CYSLTR1: variants seen among roughly 807,000 people sequenced by gnomAD.
CYSLTR1 encodes the protein G-protein coupled receptor HG55.
A neutral mutation model predicts 2.1 loss-of-function variants in CYSLTR1; 1 was observed. The observed-to-expected ratio is 0.48, with a 90% confidence interval of 0.17 to 2.28. CYSLTR1 has a LOEUF of 2.28. Ranked by LOEUF, CYSLTR1 falls within the 30% of genes most tolerant of loss-of-function variation. The probability of loss-of-function intolerance (pLI) is 0.26; values close to 1 mark genes in which losing one functional copy is unlikely to be tolerated. For missense variants in CYSLTR1, 299 were observed against 250.1 expected (o/e 1.20, Z -1.32); for synonymous variants, 110 against 89.6 (o/e 1.23, Z -1.28).
chrX:78,311,271 C>A (rs761175172), intron 1 of CYSLTR1, among the ~76,000 whole-genome samples: 1 of 111,335 alleles, frequency 9.0e-6, no homozygotes, highest in Non-Finnish European at 1.9e-5. Flanking sequence ...CAAGAAGGGA[C>A]TGATGGCCCA....
chrX:78,319,532 G>C (rs1179409722), intron 1 of CYSLTR1: 2 of 110,050 alleles, frequency 1.8e-5, no homozygotes, highest in African/African-American at 6.6e-5. Context: ...CATTTGGGTT[G>C]GTTCCAAGTC....
Position 78,272,973 on chromosome X carries a change from ATGAAGG to A in CYSLTR1, c.768_773del (p.Leu257_His258del). 8.3e-7 allele frequency: 1 copy of A among 1,211,569 alleles called. No homozygotes were observed. Among genetic ancestry groups the A allele is most frequent in the Non-Finnish European group, 1.1e-6 (1 of 895,373 alleles). ...AGGGTTTAGTTTCATTGTGTAAAAA[ATGAAGG>A]TGAATGGTACGTTGAATATGATATG... On this transcript the variant is annotated inframe_deletion, in exon 3 of 3. Coordinates refer to ENST00000373304, the MANE Select transcript of CYSLTR1 (RefSeq NM_006639.4).
intron 2 of CYSLTR1, among the ~76,000 whole-genome samples, chrX:78,276,640 CATTATT>C (rs757354817): frequency 9.1e-6 from 1 of 110,193 alleles, no homozygotes; most frequent in African/African-American, 3.3e-5. Context: ...TTAAAAAAGT[CATTATT>C]ATTATTATTA....
intron 1 of CYSLTR1, among the ~76,000 whole-genome samples, chrX:78,316,770 A>G (rs761387377): frequency 8.9e-6 from 1 of 112,372 alleles, no homozygotes; most frequent in Non-Finnish European, 1.9e-5. Context: ...TGCTGAAATA[A>G]TTGGCAAGCC....
intron 1 of CYSLTR1, among the ~76,000 whole-genome samples, chrX:78,305,142 G>T (rs73498809): frequency 0.011 from 1,214 of 111,871 alleles, 24 homozygotes; most frequent in African/African-American, 0.037. Context: ...TCCCAGGAAA[G>T]TATATCTCTT....
At position 78,273,046 on chromosome X, in the gene CYSLTR1, A is replaced by G. The variant is rs1921357443; in HGVS notation, c.701T>C (p.Met234Thr). The G allele has an allele frequency of 8.3e-7, 1 of 1,211,740 alleles. No homozygotes were observed. The highest frequency in any genetic ancestry group is 1.7e-5 in the African/African-American group (1 of 57,929). The change falls in exon 3 of 3, where the codon ATG becomes ACG. Residue 234 changes from methionine to threonine, a missense_variant. Physicochemically the swap from Met to Thr is moderately conservative, Grantham distance 81. Transcript: ENST00000373304. ...NLSSHKKAIGMIMVVTAAFLV... is the reference protein window; with the variant it reads ...NLSSHKKAIGTIMVVTAAFLV... ...AAAGGCAGCGGTCACGACCATGATC[A>G]TTCCTATAGCCTTTTTATGACTTGA...
intron 1 of CYSLTR1, among the ~76,000 whole-genome samples, chrX:78,318,269 G>A (rs985929166): frequency 8.9e-6 from 1 of 112,040 alleles, no homozygotes; most frequent in East Asian, 2.8e-4. Flanking sequence ...ATTATTCTTA[G>A]CAAACTAATG....
At chrX:78,300,080 C>T (rs1569552363) in intron 1 of CYSLTR1, among the ~76,000 whole-genome samples, 1 of 112,079 alleles carries the variant, frequency 8.9e-6, no homozygotes, top group Non-Finnish European at 1.9e-5. Flanking sequence ...TATTAAAAGA[C>T]TCTGATGCAT....
At position 78,294,385 on chromosome X, in the gene CYSLTR1, T is replaced by C. The variant is rs773933708; in HGVS notation, c.-114-10845A>G. On this transcript the variant is annotated intron_variant, in intron 1 of 2. Transcript: ENST00000373304. ...GAGGGGCACTCACCTGTATGAGGTG[T>C]CTGTCGGCCCCTACTGGGAGGTGAC... Among the ~76,000 whole-genome samples, 3 of 112,564 alleles carry C rather than the reference T, an allele frequency of 2.7e-5. No homozygotes were observed. In the Admixed American group the frequency reaches 2.8e-4, roughly 11 times the overall value.
chrX:78,311,111 G>T (rs2147270924), intron 1 of CYSLTR1, among the ~76,000 whole-genome samples: 1 of 111,015 alleles, frequency 9.0e-6, no homozygotes, highest in South Asian at 3.8e-4. Context: ...TATAGAGGTT[G>T]CCCATCCCTG....
rs1172647942 is a variant in CYSLTR1 at position 78,272,655 on chromosome X, AT to A, written c.*77del. 33 of 990,996 alleles carry A rather than the reference AT, an allele frequency of 3.3e-5. No homozygotes were observed. Among genetic ancestry groups the A allele is most frequent in the Admixed American group, 7.4e-5 (2 of 27,087 alleles). 81.7% of individuals were successfully genotyped at this position (990,996 alleles called of 1,213,427 possible). On this transcript the variant is annotated 3_prime_UTR_variant, in exon 3 of 3. Transcript: ENST00000373304. Reference sequence around the variant, plus strand: ...TTGTAAAATATTAAGTAAAATTTTTATTTTTTTTGTAAATGATTTGACAAAA... The same window carrying A: ...TTGTAAAATATTAAGTAAAATTTTTATTTTTTTGTAAATGATTTGACAAAA...
At chrX:78,309,575 C>T (rs939859372) in intron 1 of CYSLTR1, among the ~76,000 whole-genome samples, 3 of 111,311 alleles carry the variant, frequency 2.7e-5, no homozygotes, top group Admixed American at 1.9e-4. Context: ...AGCTATGTTC[C>T]CACACAACTG....
chrX:78,273,717 A>G lies in CYSLTR1; in HGVS notation c.30T>C (p.Ser10=), dbSNP rs771916787. Residue 10 remains serine (S), a synonymous_variant, in exon 3 of 3, where the codon TCT becomes TCC. Coordinates refer to ENST00000373304, the MANE Select transcript of CYSLTR1 (RefSeq NM_006639.4). MDETGNLTV[S]SATCHDTIDD... is the part of the protein sequence containing the mutation. ...CAATAGTGTCATGGCATGTGGCAGA[A>G]GATACTGTCAGATTTCCTGTTTCAT... is the stretch of plus-strand genomic sequence containing the variant. 6.7e-6 allele frequency: 8 copies of G among 1,199,852 alleles called. No homozygotes were observed. The highest frequency in any genetic ancestry group is 9.0e-6 in the Non-Finnish European group (8 of 887,116).
rs773023237 is a variant in CYSLTR1, at chrX:78,292,462, G to A, written c.-114-8922C>T. Among the ~76,000 whole-genome samples, 8 of 112,082 alleles carry A rather than the reference G, an allele frequency of 7.1e-5. No individual in the cohort carries two copies. The South Asian group carries it at 1.1e-3, about 16-fold the overall frequency. On this transcript the variant is annotated intron_variant, in intron 1 of 2. Coordinates refer to ENST00000373304, the MANE Select transcript of CYSLTR1 (RefSeq NM_006639.4). ...TGTATTCTGTGGATTTGGGTGGAGAGTTCTGTAGATGTCTATTAGGTTTGC... is the reference window on the plus strand; with the variant it reads ...TGTATTCTGTGGATTTGGGTGGAGAATTCTGTAGATGTCTATTAGGTTTGC...
Position 78,317,545 on chromosome X carries a change from C to G in CYSLTR1, c.-115+9760G>C, listed in dbSNP as rs926404402. On this transcript the variant is annotated intron_variant, in intron 1 of 2. Transcript: ENST00000373304. The stretch of plus-strand genomic sequence containing the variant: ...ACATGCACATGCATGTTTATAGTAG[C>G]ACTATTCACACTTGCAAAAATATGG... 2.7e-5 allele frequency among the ~76,000 whole-genome samples: 3 copies of G among 112,400 alleles called. No homozygotes were observed. The Admixed American group carries it at 2.8e-4, about 11-fold the overall frequency.
rs1921317931 is a variant in CYSLTR1, at chrX:78,272,642, A to G, written c.*91T>C. ...AATAGTTAAGTATTTGTAAAATATTAAGTAAAATTTTTATTTTTTTTGTAA... is the reference window on the plus strand; with the variant it reads ...AATAGTTAAGTATTTGTAAAATATTGAGTAAAATTTTTATTTTTTTTGTAA... On this transcript the variant is annotated 3_prime_UTR_variant, in exon 3 of 3. Transcript: ENST00000373304. 1.1e-6 allele frequency: 1 copy of G among 900,570 alleles called. No homozygotes were observed. Among genetic ancestry groups the G allele is most frequent in the African/African-American group, 2.0e-5 (1 of 49,774 alleles). The allele number at this position is 900,570 out of a possible 1,213,427, so 74.2% of individuals were successfully genotyped here. A position where few individuals can be genotyped will look rare whatever the true frequency, so the allele number is the denominator to read the frequency against.
At chrX:78,286,020 C>T (rs907908173) in intron 1 of CYSLTR1, among the ~76,000 whole-genome samples, 4 of 111,979 alleles carry the variant, frequency 3.6e-5, no homozygotes, top group Non-Finnish European at 7.5e-5. Flanking sequence ...CAATTCAGTT[C>T]AGGTTAACAA....
At chrX:78,296,604 T>A (rs1922584521) in intron 1 of CYSLTR1, among the ~76,000 whole-genome samples, 1 of 111,697 alleles carries the variant, frequency 9.0e-6, no homozygotes, top group South Asian at 3.7e-4. Flanking sequence ...CTTATAGAAA[T>A]CTTTCACTTC....
intron 1 of CYSLTR1, among the ~76,000 whole-genome samples, chrX:78,296,390 G>T (rs1329801095): frequency 9.0e-6 from 1 of 111,488 alleles, no homozygotes; most frequent in Non-Finnish European, 1.9e-5. Flanking sequence ...GGTCTGTTGT[G>T]TTTCCATATA....
Sources: allele counts gnomAD v4.1 joint callset (sites outside exome capture counted in the v4.1 genomes callset), GRCh38; gene constraint gnomAD v4.1.1; transcripts MANE v1.5; gene names NCBI Gene and HGNC (gene_info 2026-07-23, HGNC 2026-07-21).